The following NEDD4 variants were observed in gnomAD, a reference collection of about 807,000 sequenced individuals.
The protein encoded by NEDD4 is NEDD4 E3 ubiquitin protein ligase.
NEDD4 carries 99 observed loss-of-function variants against 144.9 expected under a neutral mutation model. The observed-to-expected ratio is 0.68, with a 90% CI of 0.58 to 0.81. The LOEUF (loss-of-function observed/expected upper bound fraction) is 0.81, where lower values mean the gene tolerates loss of function less well. Among genes scored for constraint, NEDD4 ranks in the 30% least tolerant of loss-of-function variants. NEDD4 has a pLI of 0.00. For synonymous variants in NEDD4, 318 were observed against 350.6 expected (o/e 0.91, Z 1.04); for missense variants, 985 against 1,065.9 (o/e 0.92, Z 1.06).
At chr15:55,934,298 T>C (rs1456123351) in intron 4 of NEDD4, among the ~76,000 whole-genome samples, 2 of 152,244 alleles carry the variant, frequency 1.3e-5, no homozygotes, top group Non-Finnish European at 2.9e-5. Context: ...TATCAATACT[T>C]CATTCCTTTT....
In NEDD4 at chr15:55,848,508, G is replaced by A. The variant is rs755768814; in HGVS notation, c.1483+13C>T. ...ACAAAAAATAACATAATGAAAAATC[G>A]CACTGCACATACTGTGATTTATGTA... On this transcript the variant is annotated intron_variant, in intron 16 of 28. Coordinates refer to ENST00000435532, the MANE Select transcript of NEDD4 (RefSeq NM_006154.4). 5.6e-6 allele frequency: 9 copies of A among 1,612,628 alleles called. No individual in the cohort carries two copies. The highest frequency in any genetic ancestry group is 2.7e-5 in the African/African-American group (2 of 74,996).
intron 1 of NEDD4, among the ~76,000 whole-genome samples, chr15:55,974,254 TA>T (rs2037662716): frequency 6.6e-6 from 1 of 151,938 alleles, no homozygotes; most frequent in Admixed American, 6.6e-5. Flanking sequence ...CAGTAACAAA[TA>T]ATGAGGTTGA....
At chr15:55,928,542 C>T (rs1304579787) in intron 4 of NEDD4, among the ~76,000 whole-genome samples, 2 of 152,210 alleles carry the variant, frequency 1.3e-5, no homozygotes, top group Non-Finnish European at 1.5e-5. Context: ...ATACTGTAAT[C>T]ACACTGGAAA....
At chr15:55,845,137 T>A (rs1473646117) in intron 18 of NEDD4, among the ~76,000 whole-genome samples, 1 of 152,218 alleles carries the variant, frequency 6.6e-6, no homozygotes, top group African/African-American at 2.4e-5. Flanking sequence ...CTCTTCATGA[T>A]CTTGGTCCCC....
At chr15:55,937,388 C>A (rs1219349875) in intron 4 of NEDD4, among the ~76,000 whole-genome samples, 1 of 152,160 alleles carries the variant, frequency 6.6e-6, no homozygotes, top group East Asian at 1.9e-4. Flanking sequence ...ATAATAATGT[C>A]CTTTGCACAG....
Position 55,847,047 on chromosome 15 carries a change from AT to A in NEDD4, c.1543-14del. ...AGTAGGGCACTGCCTTTAGTTGGAA[AT>A]TTTGGAAAAATAAAGAAGTTTAGGT... On this transcript the variant is annotated splice_polypyrimidine_tract_variant and intron_variant, in intron 17 of 28. Coordinates refer to ENST00000435532, the MANE Select transcript of NEDD4 (RefSeq NM_006154.4). The A allele has an allele frequency of 6.4e-7, 1 of 1,574,206 alleles. No individual in the cohort carries two copies. The highest frequency in any genetic ancestry group is 8.6e-7 in the Non-Finnish European group (1 of 1,156,774).
intron 5 of NEDD4, among the ~76,000 whole-genome samples, chr15:55,903,977 C>T (rs529027859): frequency 4.6e-5 from 7 of 151,678 alleles, no homozygotes; most frequent in Non-Finnish European, 8.8e-5. Context: ...CTGGCCAACA[C>T]GGTGAAACCC....
At chr15:55,844,403 C>A (rs980504973) in intron 18 of NEDD4, among the ~76,000 whole-genome samples, 1 of 151,880 alleles carries the variant, frequency 6.6e-6, no homozygotes, top group Non-Finnish European at 1.5e-5. Flanking sequence ...AGTTAAAGAC[C>A]CCTGGAATAG....
chr15:55,952,315 CAG>C (rs1566966663), intron 2 of NEDD4, among the ~76,000 whole-genome samples: 4 of 151,932 alleles, frequency 2.6e-5, no homozygotes. Context: ...GCCTGGGCGA[CAG>C]AGCAAGACTC....
chr15:55,878,103 A>G (rs544428058), intron 5 of NEDD4, among the ~76,000 whole-genome samples: 1 of 152,282 alleles, frequency 6.6e-6, no homozygotes, highest in Admixed American at 6.5e-5. Context: ...TATTACTTTC[A>G]GGCTCAAGAG....
intron 11 of NEDD4, among the ~76,000 whole-genome samples, chr15:55,857,171 C>T (rs1380538446): frequency 5.9e-5 from 9 of 152,142 alleles, no homozygotes; most frequent in Non-Finnish European, 1.2e-4. Context: ...TATGTGTATG[C>T]ATGCATGTTT....
Position 55,840,632 on chromosome 15 carries a change from G to A in NEDD4, c.1934C>T (p.Ala645Val), listed in dbSNP as rs1473345762. Residue 645 changes from alanine to valine, a missense_variant, in exon 20 of 29, where the codon GCA (alanine) becomes GTA (valine). Ala to Val is a moderately conservative substitution (Grantham distance 64, BLOSUM62 0). Coordinates refer to ENST00000435532, the MANE Select transcript of NEDD4 (RefSeq NM_006154.4). ...ATCCAACAGTTTGCCATGATAAACT[G>A]CCATTCCAGCTACCCGACCAATAAA... ...FKFIGRVAGM[A>V]VYHGKLLDGF... The A allele has an allele frequency of 1.2e-6, 2 of 1,613,950 alleles. No individual in the cohort carries two copies. The highest frequency in any genetic ancestry group is 1.7e-6 in the Non-Finnish European group (2 of 1,179,988).
At chr15:55,930,921 C>T (rs1197518236) in intron 4 of NEDD4, among the ~76,000 whole-genome samples, 3 of 152,172 alleles carry the variant, frequency 2.0e-5, no homozygotes, top group Non-Finnish European at 4.4e-5. Context: ...ATTATCCAGT[C>T]TTGGGTACGT....
chr15:55,956,612 G>C (rs1432076251), intron 2 of NEDD4, among the ~76,000 whole-genome samples: 3 of 151,822 alleles, frequency 2.0e-5, no homozygotes, highest in African/African-American at 7.3e-5. Context: ...TCTCTCTCTC[G>C]CTCTCTCACA....
chr15:55,951,575 C>T lies in NEDD4; in HGVS notation c.134G>A (p.Arg45Lys), dbSNP rs1273012104. Reference sequence around the variant, plus strand: ...ATTCATTGGGTCATATAACGTCACTCTCACGTAAGGATCACTGTTAAAAAA... The same window carrying T: ...ATTCATTGGGTCATATAACGTCACTTTCACGTAAGGATCACTGTTAAAAAA... ...DILGASDPYV[R>K]VTLYDPMNGV... Residue 45 changes from arginine (R) to lysine (K), a missense_variant, in exon 3 of 29, where the codon AGA (arginine) becomes AAA (lysine). Coordinates refer to ENST00000435532, the MANE Select transcript of NEDD4 (RefSeq NM_006154.4). 1.3e-6 allele frequency: 2 copies of T among 1,499,150 alleles called. No homozygotes were observed. The highest frequency in any genetic ancestry group is 2.7e-5 in the South Asian group (2 of 73,900). 92.9% of individuals were successfully genotyped at this position (1,499,150 alleles called of 1,614,324 possible). A position where few individuals can be genotyped will look rare whatever the true frequency, so the allele number is the denominator to read the frequency against.
intron 5 of NEDD4, among the ~76,000 whole-genome samples, chr15:55,911,250 C>T (rs1163175225): frequency 6.6e-6 from 1 of 152,052 alleles, no homozygotes; most frequent in Non-Finnish European, 1.5e-5. Context: ...TGGGTGGAGG[C>T]CAGGGATGCT....
intron 8 of NEDD4, among the ~76,000 whole-genome samples, chr15:55,869,360 C>G (rs2034693444): frequency 6.6e-6 from 1 of 152,160 alleles, no homozygotes; most frequent in African/African-American, 2.4e-5. Flanking sequence ...ATATTCTATT[C>G]TCTACTCCTT....
intron 1 of NEDD4, among the ~76,000 whole-genome samples, chr15:55,989,985 A>G (rs2037963175): frequency 6.6e-6 from 1 of 151,914 alleles, no homozygotes; most frequent in African/African-American, 2.4e-5. Context: ...CATGAACCCT[A>G]TTGTGAACTG....
intron 2 of NEDD4, among the ~76,000 whole-genome samples, chr15:55,965,805 G>A (rs1287107293): frequency 2.6e-5 from 4 of 151,866 alleles, no homozygotes; most frequent in African/African-American, 7.3e-5. Flanking sequence ...GGGTTCAAGC[G>A]ATTTCTGGAT....
Sources: allele counts gnomAD v4.1 joint callset (sites outside exome capture counted in the v4.1 genomes callset), GRCh38; gene constraint gnomAD v4.1.1; transcripts MANE v1.5; gene names NCBI Gene and HGNC (gene_info 2026-07-23, HGNC 2026-07-21).